Variants in PLEKHA5 observed in about 807,000 individuals in gnomAD.
PLEKHA5 encodes pleckstrin homology domain-containing family A member 5.
A neutral mutation model predicts 181.9 loss-of-function variants in PLEKHA5; 55 were observed. That is an observed-to-expected ratio of 0.30 (90% CI 0.24 to 0.38). The LOEUF is 0.38. Ranked by LOEUF, PLEKHA5 falls within the 10% of genes least tolerant of loss-of-function variation. The pLI is 1.00. For synonymous variants in PLEKHA5, 535 were observed against 529.4 expected (o/e 1.01, Z -0.15); for missense variants, 1,432 against 1,549.5 (o/e 0.92, Z 1.27).
intron 3 of PLEKHA5, among the ~76,000 whole-genome samples, chr12:19,144,609 C>G (rs2038385823): frequency 6.6e-6 from 1 of 152,128 alleles, no homozygotes; most frequent in Non-Finnish European, 1.5e-5. Context: ...AATGGACAGC[C>G]AGAGATGATA....
chr12:19,175,571 T>C (rs1335912393), intron 3 of PLEKHA5, among the ~76,000 whole-genome samples: 1 of 152,210 alleles, frequency 6.6e-6, no homozygotes, highest in Non-Finnish European at 1.5e-5. Flanking sequence ...TTAGCAATAA[T>C]TACTTCCAGG....
chr12:19,192,372 G>A (rs1321338375), intron 3 of PLEKHA5, among the ~76,000 whole-genome samples: 1 of 151,996 alleles, frequency 6.6e-6, no homozygotes, highest in Non-Finnish European at 1.5e-5. Context: ...AAATATTAAG[G>A]AGAACCCTAA....
At chr12:19,304,282 G>A (rs1020980322) in intron 15 of PLEKHA5, among the ~76,000 whole-genome samples, 1 of 152,154 alleles carries the variant, frequency 6.6e-6, no homozygotes. Flanking sequence ...GTGGGCACCT[G>A]TAATCCCAGC....
rs758136350 is a variant in PLEKHA5, at chr12:19,269,790, G to A, written c.732G>A (p.Arg244=). Residue 244 remains arginine (R), a synonymous_variant, in exon 9 of 32, where the codon CGG becomes CGA. Coordinates refer to ENST00000429027, the MANE Select transcript of PLEKHA5 (RefSeq NM_001256470.2). ...YAFKAAHPNM[R]TYYFCTDTGK... Reference sequence around the variant, plus strand: ...ATCAGGCAGCCCATCCAAACATGCGGACCTATTATTTCTGCACTGATACAG... The same window carrying A: ...ATCAGGCAGCCCATCCAAACATGCGAACCTATTATTTCTGCACTGATACAG... 1 of 1,598,196 alleles carries A rather than the reference G, an allele frequency of 6.3e-7. No homozygotes were observed. The highest frequency in any genetic ancestry group is 8.6e-7 in the Non-Finnish European group (1 of 1,166,200).
intron 20 of PLEKHA5, among the ~76,000 whole-genome samples, chr12:19,328,992 A>G (rs2092566738): frequency 6.6e-6 from 1 of 152,114 alleles, no homozygotes. Context: ...GGCCTTTACT[A>G]TTTTAGGGCA....
intron 3 of PLEKHA5, among the ~76,000 whole-genome samples, chr12:19,194,798 G>T (rs537195939): frequency 2.0e-5 from 3 of 152,280 alleles, no homozygotes; most frequent in African/African-American, 7.2e-5. Context: ...AATCTCAGAT[G>T]AAATACATTT....
intron 3 of PLEKHA5, among the ~76,000 whole-genome samples, chr12:19,133,578 A>G (rs1467108266): frequency 6.6e-6 from 1 of 152,006 alleles, no homozygotes; most frequent in Admixed American, 6.6e-5. Flanking sequence ...TTTTAAGATC[A>G]TGTTATACTT....
At chr12:19,247,379 C>G (rs928473977) in intron 3 of PLEKHA5, among the ~76,000 whole-genome samples, 2 of 152,120 alleles carry the variant, frequency 1.3e-5, no homozygotes, top group Admixed American at 1.3e-4. Flanking sequence ...TTCAGCATAG[C>G]CCAGGTGTTC....
At chr12:19,245,709 G>A (rs370488432) in intron 3 of PLEKHA5, among the ~76,000 whole-genome samples, 1 of 114,988 alleles carries the variant, frequency 8.7e-6, no homozygotes, top group East Asian at 2.8e-4. Flanking sequence ...CCTGGGGAAC[G>A]AGAGTGAGAC....
rs200868965 is a variant in PLEKHA5 at position 19,275,679 on chromosome 12, G to T, written c.1313+696G>T. On this transcript the variant is annotated intron_variant, in intron 11 of 31. Coordinates refer to ENST00000429027, the MANE Select transcript of PLEKHA5 (RefSeq NM_001256470.2). ...TACTTGGGGGAAGTTGAAGTGGGAG[G>T]ATTGCTTGAGCCCAGGAGTTGGGAG... is the stretch of plus-strand genomic sequence containing the variant. Among the ~76,000 whole-genome samples the T allele has an allele frequency of 2.0e-5, 3 of 152,020 alleles. No homozygotes were observed. In the East Asian group the frequency reaches 5.8e-4, roughly 29 times the overall value.
intron 3 of PLEKHA5, among the ~76,000 whole-genome samples, chr12:19,249,124 G>A (rs955905680): frequency 1.3e-5 from 2 of 152,084 alleles, no homozygotes; most frequent in African/African-American, 4.8e-5. Flanking sequence ...CTTGAGCCCA[G>A]GAGTTTGAGG....
chr12:19,209,865 A>G (rs1333513706), intron 3 of PLEKHA5, among the ~76,000 whole-genome samples: 1 of 152,210 alleles, frequency 6.6e-6, no homozygotes, highest in African/African-American at 2.4e-5. Context: ...TCAAAGCTTT[A>G]GTAGAAATGT....
Position 19,231,602 on chromosome 12 carries a change from A to ATATATG in PLEKHA5, c.228-22333_228-22332insGTATAT. On this transcript the variant is annotated intron_variant, in intron 3 of 31. Coordinates refer to ENST00000429027, the MANE Select transcript of PLEKHA5 (RefSeq NM_001256470.2). ...TATATATATTTATATATGTACACAT[A>ATATATG]TATATATATAAATACTCATAAAGCT... is the stretch of plus-strand genomic sequence containing the variant. Among the ~76,000 whole-genome samples the ATATATG allele has an allele frequency of 6.6e-4, 2 of 3,038 alleles. 1 individual carries two copies. The highest frequency in any genetic ancestry group is 1.1e-3 in the Non-Finnish European group (2 of 1,780). The allele number at this position is 3,038 out of a possible 152,430, so 2.0% of individuals were successfully genotyped here.
intron 7 of PLEKHA5, among the ~76,000 whole-genome samples, chr12:19,261,805 T>G (rs189653009): frequency 1.3e-5 from 2 of 152,248 alleles, no homozygotes; most frequent in Non-Finnish European, 2.9e-5. Context: ...TAGAACTGAT[T>G]AGCAGTTTCT....
intron 15 of PLEKHA5, chr12:19,307,221 C>T: frequency 1.8e-6 from 1 of 564,396 alleles, no homozygotes; most frequent in Admixed American, 2.9e-5. Flanking sequence ...GCCAGTAATC[C>T]CAGAGCTTTG....
intron 3 of PLEKHA5, among the ~76,000 whole-genome samples, chr12:19,233,942 A>C (rs1011364074): frequency 6.6e-6 from 1 of 152,208 alleles, no homozygotes; most frequent in East Asian, 1.9e-4. Context: ...TCCGCAGTCT[A>C]CCTCAGCTTC....
chr12:19,194,863 T>C (rs961445463), intron 3 of PLEKHA5, among the ~76,000 whole-genome samples: 2 of 152,214 alleles, frequency 1.3e-5, no homozygotes, highest in Non-Finnish European at 2.9e-5. Flanking sequence ...TCATCATTAA[T>C]ACCTACTTAT....
rs1464200531 is a variant in PLEKHA5, at chr12:19,361,670, G to C, written c.3572G>C (p.Arg1191Thr). The C allele has an allele frequency of 6.3e-7, 1 of 1,597,328 alleles. No individual in the cohort carries two copies. The highest frequency in any genetic ancestry group is 1.1e-5 in the South Asian group (1 of 88,356). The change falls in exon 29 of 32, where the codon AGA becomes ACA. Residue 1191 changes from arginine (R) to threonine (T), a missense_variant. Arg to Thr is a moderately conservative substitution (Grantham distance 71). This residue lies in a region of PLEKHA5 where 1,143 missense variants were observed against 1,168.4 expected (regional missense o/e 0.98). Transcript: ENST00000429027. Reference protein sequence around the residue: ...VNSVEMMDKERNKDKMPEDVT... With the variant: ...VNSVEMMDKETNKDKMPEDVT... ...TCTGTGGAAATGATGGATAAAGAAA[G>C]AAACAAAGACAAAATGCCTGAGGAT... is the stretch of plus-strand genomic sequence containing the variant.
chr12:19,212,829 TTTG>T (rs2057201253), intron 3 of PLEKHA5, among the ~76,000 whole-genome samples: 2 of 93,114 alleles, frequency 2.1e-5, no homozygotes, highest in African/African-American at 7.6e-5. Flanking sequence ...TGGGTTTTTT[TTTG>T]TTGTTTTTTT....
Sources: gnomAD v4.1 joint callset for allele counts (sites outside exome capture counted in the v4.1 genomes callset) on GRCh38, gnomAD v4.1.1 for gene constraint, gnomAD v4.1.1 regional missense constraint, MANE v1.5 for transcripts, NCBI Gene and HGNC (gene_info 2026-07-23, HGNC 2026-07-21) for gene names.